KDM4B: variants seen among roughly 807,000 people sequenced by gnomAD.
The protein encoded by KDM4B is lysine-specific demethylase 4B.
A neutral mutation model predicts 125.2 loss-of-function variants in KDM4B; 32 were observed. The ratio of observed to expected loss-of-function variants is 0.26; its 90% CI spans 0.19 to 0.34. The LOEUF is 0.34. Among genes scored for constraint, KDM4B ranks in the 10% least tolerant of loss-of-function variants. The probability of loss-of-function intolerance (pLI) is 1.00; values close to 1 mark genes in which losing one functional copy is unlikely to be tolerated. For synonymous variants in KDM4B, 721 were observed against 677.9 expected (o/e 1.06, Z -0.99); for missense variants, 1,190 against 1,577.7 (o/e 0.75, Z 4.16).
At position 5,119,657 on chromosome 19, in the gene KDM4B, C is replaced by T. The variant is rs2039323674; in HGVS notation, c.1120C>T (p.His374Tyr). The T allele has an allele frequency of 1.9e-6, 3 of 1,555,014 alleles. No individual in the cohort carries two copies. The highest frequency in any genetic ancestry group is 2.6e-6 in the Non-Finnish European group (3 of 1,148,942). Residue 374 changes from histidine (H) to tyrosine (Y), a missense_variant, in exon 11 of 23, where the codon CAC (histidine) becomes TAC (tyrosine). His to Tyr is a moderately conservative substitution (Grantham distance 83, BLOSUM62 2). Transcript: ENST00000159111. ...SLKAKLLRRSHRKRSQPKKPK... is the reference protein window; with the variant it reads ...SLKAKLLRRSYRKRSQPKKPK... ...CTGATAAACCTCCCTCTCCAGGTCT[C>T]ACCGGAAACGGAGCCAGCCCAAGAA...
At position 5,007,001 on chromosome 19, in the gene KDM4B, C is replaced by T. The variant is rs558341471; in HGVS notation, c.-108-9256C>T. 4.0e-4 allele frequency among the ~76,000 whole-genome samples: 61 copies of T among 152,050 alleles called. No homozygotes were observed. The South Asian group carries it at 5.0e-3, about 12-fold the overall frequency. On this transcript the variant is annotated intron_variant, in intron 1 of 22. Transcript: ENST00000159111. ...CCTCCTGGCAGAAGCATGGGGCTCACGAGGCGGGGCGGGGGTGGTGAGGAC... is the reference window on the plus strand; with the variant it reads ...CCTCCTGGCAGAAGCATGGGGCTCATGAGGCGGGGCGGGGGTGGTGAGGAC...
chr19:5,061,795 G>C (rs566191763), intron 6 of KDM4B, among the ~76,000 whole-genome samples: 2 of 151,484 alleles, frequency 1.3e-5, no homozygotes, highest in Non-Finnish European at 1.5e-5. Context: ...CTTGAGCCTG[G>C]GAATTTGAGG....
chr19:5,134,660 G>A (rs2039617167), intron 14 of KDM4B, among the ~76,000 whole-genome samples: 1 of 152,160 alleles, frequency 6.6e-6, no homozygotes, highest in Non-Finnish European at 1.5e-5. Context: ...CTGGCCACAT[G>A]CTTTGCACTC....
Sources: allele counts gnomAD v4.1 joint callset (sites outside exome capture counted in the v4.1 genomes callset), GRCh38; gene constraint gnomAD v4.1.1; transcripts MANE v1.5; gene names NCBI Gene and HGNC (gene_info 2026-07-23, HGNC 2026-07-21).